Variants in PRR12 observed in about 807,000 individuals in gnomAD.
PRR12 encodes proline-rich protein 12.
A neutral mutation model predicts 138.0 loss-of-function variants in PRR12; 12 were observed. That is an observed-to-expected ratio of 0.09 (90% CI 0.06 to 0.14). PRR12 has a LOEUF of 0.14. Ranked by LOEUF, PRR12 falls within the 10% of genes least tolerant of loss-of-function variation. The probability of loss-of-function intolerance (pLI) is 1.00; values close to 1 mark genes in which losing one functional copy is unlikely to be tolerated. For synonymous variants in PRR12, 1,567 were observed against 1,291.7 expected (o/e 1.21, Z -4.57); for missense variants, 2,692 against 2,861.3 (o/e 0.94, Z 1.35).
rs2080892505 is a variant in PRR12, at chr19:49,616,209, C to T, written c.5487C>T (p.Pro1829=). ...ACTCGGAGTCCTCCCCTGGAGCCCC[C>T]AGCGAGGACGGTGAGGCCCTAGGCA... ...SSDSESSPGA[P]SEDERAVPGR... The change falls in exon 9 of 14, where the codon CCC becomes CCT. Residue 1829 remains proline, a synonymous_variant. Coordinates refer to ENST00000418929, the MANE Select transcript of PRR12 (RefSeq NM_020719.3). This position sits in a 1 kb window ranked among gnomAD's most constrained non-coding sequence, Gnocchi z 4.2. 1 of 1,533,540 alleles carries T rather than the reference C, an allele frequency of 6.5e-7. No homozygotes were observed. The allele number at this position is 1,533,540 out of a possible 1,614,324, so 95.0% of individuals were successfully genotyped here.
In PRR12 at chr19:49,614,775, C is replaced by T. The variant is rs565585216; in HGVS notation, c.4891-101C>T. 5.1e-6 allele frequency: 8 copies of T among 1,557,652 alleles called. No individual in the cohort carries two copies. In the Admixed American group the frequency reaches 1.1e-4, roughly 21 times the overall value. On this transcript the variant is annotated intron_variant, in intron 7 of 13. Coordinates refer to ENST00000418929, the MANE Select transcript of PRR12 (RefSeq NM_020719.3). The surrounding 1 kb of genome is among the most constrained non-coding windows in gnomAD (Gnocchi z 5.0). ...CTGGAAGGGGGCCCCCTGCTGCCGG[C>T]AGGCTCCAAGCAGCTGCCATGGTGG... is the stretch of plus-strand genomic sequence containing the variant.
At chr19:49,602,074 G>A (rs1380755643) in intron 6 of PRR12, among the ~76,000 whole-genome samples, 156 bp downstream of exon 6, 2 of 152,170 alleles carry the variant, frequency 1.3e-5, no homozygotes, top group Non-Finnish European at 2.9e-5. Flanking sequence ...TAGAGGTGTC[G>A]AGGACCTGCG....
At position 49,594,915 on chromosome 19, in the gene PRR12, T is replaced by G; in HGVS notation, c.580T>G (p.Ser194Ala). The change falls in exon 4 of 14, where the codon TCG (serine) becomes GCG (alanine). Residue 194 changes from serine to alanine, a missense_variant. Transcript: ENST00000418929. The surrounding 1 kb of genome is among the most constrained non-coding windows in gnomAD (Gnocchi z 5.6). The stretch of plus-strand genomic sequence containing the variant: ...TCATGACGTGCTGCACCTGAAGCCC[T>G]CGCAGGCACCCACGGTGCCCTCTTC... ...SPHDVLHLKP[S>A]QAPTVPSSLG... is the part of the protein sequence containing the mutation. 1 of 1,608,188 alleles carries G rather than the reference T, an allele frequency of 6.2e-7. No individual in the cohort carries two copies. Among genetic ancestry groups the G allele is most frequent in the Non-Finnish European group, 8.5e-7 (1 of 1,177,816 alleles).
Position 49,615,819 on chromosome 19 carries a change from A to G in PRR12, c.5097A>G (p.Pro1699=). The change falls in exon 9 of 14, where the codon CCA becomes CCG. Residue 1699 remains proline, a synonymous_variant. Coordinates refer to ENST00000418929, the MANE Select transcript of PRR12 (RefSeq NM_020719.3). ...CACCTCCCCCTAAGGCCCCAGCACC[A>G]CCTCCCAAGCCTGAGACCCCTGAAA... is the stretch of plus-strand genomic sequence containing the variant. ...SSAPPPKAPA[P]PPKPETPEKT... 6.2e-7 allele frequency: 1 copy of G among 1,611,844 alleles called. No individual in the cohort carries two copies. The highest frequency in any genetic ancestry group is 8.5e-7 in the Non-Finnish European group (1 of 1,179,118).
At position 49,594,708 on chromosome 19, in the gene PRR12, C is replaced by T; in HGVS notation, c.373C>T (p.Pro125Ser). 6.2e-7 allele frequency: 1 copy of T among 1,612,918 alleles called. No homozygotes were observed. Among genetic ancestry groups the T allele is most frequent in the Non-Finnish European group, 8.5e-7 (1 of 1,179,768 alleles). The change falls in exon 4 of 14, where the codon CCA becomes TCA. Residue 125 changes from proline to serine, a missense_variant. Pro to Ser is a moderately conservative substitution (Grantham distance 74). Coordinates refer to ENST00000418929, the MANE Select transcript of PRR12 (RefSeq NM_020719.3). The surrounding 1 kb of genome is among the most constrained non-coding windows in gnomAD (Gnocchi z 5.6). ...TTCCTCATCTCCAGCCATGCACACG[C>T]CAGGCCCCACGGAGCTCTTCATCTC... The part of the protein sequence containing the change: ...SPSWQTAMHT[P>S]GPTELFISGA...
rs1330813453 is a variant in PRR12, at chr19:49,615,900, C to T, written c.5178C>T (p.Pro1726=). ...CTCCTGAGACGGCCATGCCTGAGCC[C>T]CCTGCCCCCGAGAAGCCCTCCCTCC... ...EQTPETAMPE[P]PAPEKPSLLR... The change falls in exon 9 of 14, where the codon CCC becomes CCT. Residue 1726 remains proline, a synonymous_variant. Transcript: ENST00000418929. 2 of 1,568,198 alleles carry T rather than the reference C, an allele frequency of 1.3e-6. No individual in the cohort carries two copies. The highest frequency in any genetic ancestry group is 1.7e-4 in the Middle Eastern group (1 of 6,006).
intron 6 of PRR12, among the ~76,000 whole-genome samples, chr19:49,606,315 CTTT>C (rs112170187): frequency 1.4e-5 from 2 of 141,334 alleles, no homozygotes; most frequent in Admixed American, 7.1e-5. Context: ...TTTTTTTCTT[CTTT>C]TTTTTTTTTT....
rs1001637012 is a variant in PRR12 at position 49,597,250 on chromosome 19, G to C, written c.2915G>C (p.Gly972Ala). Reference protein sequence around the residue: ...YGKAGPPEDEGDPKAGAGPPP... With the variant: ...YGKAGPPEDEADPKAGAGPPP... ...AAGGCCGGGCCACCTGAGGACGAGG[G>C]GGACCCCAAGGCTGGCGCTGGGCCA... Residue 972 changes from glycine (G) to alanine (A), a missense_variant, in exon 4 of 14, where the codon GGG (glycine) becomes GCG (alanine). By Grantham distance (60) the Gly-to-Ala change is moderately conservative. This residue lies in a region of PRR12 where 840 missense variants were observed against 689.8 expected (regional missense o/e 1.22). Coordinates refer to ENST00000418929, the MANE Select transcript of PRR12 (RefSeq NM_020719.3). The surrounding 1 kb of genome is among the most constrained non-coding windows in gnomAD (Gnocchi z 6.3). The C allele has an allele frequency of 1.3e-6, 2 of 1,572,894 alleles. No individual in the cohort carries two copies. Among genetic ancestry groups the C allele is most frequent in the African/African-American group, 2.7e-5 (2 of 74,300 alleles).
rs185075758 is a variant in PRR12, at chr19:49,619,027, C to T, written c.5498-1325C>T. 1.2e-4 allele frequency among the ~76,000 whole-genome samples: 18 copies of T among 152,156 alleles called. No individual in the cohort carries two copies. In the East Asian group the frequency reaches 2.1e-3, roughly 18 times the overall value. Reference sequence around the variant, plus strand: ...CCCAGTGTGGTCTGGCCTGCACTGACCTGTGCAATGCCAGCTCCCATCTCG... The same window carrying T: ...CCCAGTGTGGTCTGGCCTGCACTGATCTGTGCAATGCCAGCTCCCATCTCG... On this transcript the variant is annotated intron_variant, in intron 9 of 13. Transcript: ENST00000418929.
Position 49,597,869 on chromosome 19 carries a change from C to T in PRR12, c.3534C>T (p.Pro1178=), listed in dbSNP as rs1395100309. 6.9e-7 allele frequency: 1 copy of T among 1,451,934 alleles called. No homozygotes were observed. The highest frequency in any genetic ancestry group is 9.1e-7 in the Non-Finnish European group (1 of 1,104,212). The allele number at this position is 1,451,934 out of a possible 1,614,324, so 89.9% of individuals were successfully genotyped here. A position where few individuals can be genotyped will look rare whatever the true frequency, so the allele number is the denominator to read the frequency against. ...CACGGGGGAGGCCCCGGATCCGCCC[C>T]CTGGAGGTCCCGACCACTGCGGGGC... ...PRPRGRPRIR[P]LEVPTTAGPA... The change falls in exon 4 of 14, where the codon CCC becomes CCT. Residue 1178 remains proline, a synonymous_variant. Transcript: ENST00000418929. This position sits in a 1 kb window ranked among gnomAD's most constrained non-coding sequence, Gnocchi z 6.3.
At chr19:49,615,486 G>A (rs929483929) in intron 8 of PRR12, among the ~76,000 whole-genome samples, 12 of 148,128 alleles carry the variant, frequency 8.1e-5, no homozygotes, top group African/African-American at 3.0e-4. Flanking sequence ...GACCCAGAGA[G>A]GGAGGGGGTC....
In PRR12 at chr19:49,596,837, GCCACCTCCACCGCCACCC is replaced by G. The variant is rs752127792; in HGVS notation, c.2505_2522del (p.Pro840_Pro845del). The G allele has an allele frequency of 1.1e-5, 17 of 1,591,072 alleles. No individual in the cohort carries two copies. Among genetic ancestry groups the G allele is most frequent in the African/African-American group, 2.7e-5 (2 of 74,492 alleles). On this transcript the variant is annotated inframe_deletion, in exon 4 of 14. Transcript: ENST00000418929. This position sits in a 1 kb window ranked among gnomAD's most constrained non-coding sequence, Gnocchi z 5.6. ...CAGCCACCCGCGATGGGGCACCCCA[GCCACCTCCACCGCCACCC>G]CCGCCTCCACCACCCATGCCCCTGC... is the stretch of plus-strand genomic sequence containing the variant.
chr19:49,606,767 C>T lies in PRR12; in HGVS notation c.4773+4849C>T, dbSNP rs2080840699. On this transcript the variant is annotated intron_variant, in intron 6 of 13. Transcript: ENST00000418929. ...GTTCAAGTGATTCTCCTGCCTCACCCTCCTGAGTAGCTGGGATTACAGGCA... is the reference window on the plus strand; with the variant it reads ...GTTCAAGTGATTCTCCTGCCTCACCTTCCTGAGTAGCTGGGATTACAGGCA... Among the ~76,000 whole-genome samples the T allele has an allele frequency of 1.3e-5, 2 of 151,724 alleles. 1 individual carries two copies. Among genetic ancestry groups the T allele is most frequent in the South Asian group, 4.1e-4 (2 of 4,822 alleles).
At position 49,594,716 on chromosome 19, in the gene PRR12, C is replaced by T; in HGVS notation, c.381C>T (p.Pro127=). 6.2e-7 allele frequency: 1 copy of T among 1,613,140 alleles called. No homozygotes were observed. Among genetic ancestry groups the T allele is most frequent in the Non-Finnish European group, 8.5e-7 (1 of 1,179,800 alleles). Residue 127 remains proline (P), a synonymous_variant, in exon 4 of 14, where the codon CCC becomes CCT. Transcript: ENST00000418929. This position sits in a 1 kb window ranked among gnomAD's most constrained non-coding sequence, Gnocchi z 5.6. ...SWQTAMHTPG[P]TELFISGALP... ...CTCCAGCCATGCACACGCCAGGCCC[C>T]ACGGAGCTCTTCATCTCGGGTGCCC...
At chr19:49,593,609 C>T (rs991860692) in intron 2 of PRR12, among the ~76,000 whole-genome samples, 170 bp downstream of exon 2, 1 of 152,154 alleles carries the variant, frequency 6.6e-6, no homozygotes, top group Non-Finnish European at 1.5e-5. Flanking sequence ...GTCGCTGCTT[C>T]ATTTCTCGCC....
At chr19:49,592,542 C>T (rs117772815) in intron 1 of PRR12, among the ~76,000 whole-genome samples, 1 of 152,028 alleles carries the variant, frequency 6.6e-6, no homozygotes, top group Non-Finnish European at 1.5e-5. Context: ...GGCGCCCTCA[C>T]ACTTCACCTA....
chr19:49,597,267 G>T lies in PRR12; in HGVS notation c.2932G>T (p.Ala978Ser), dbSNP rs752530502. 4 of 1,570,496 alleles carry T rather than the reference G, an allele frequency of 2.5e-6. No homozygotes were observed. The African/African-American group carries it at 4.0e-5, about 16-fold the overall frequency. ...GGACGAGGGGGACCCCAAGGCTGGC[G>T]CTGGGCCACCCCCCGGCCCCCCTGC... ...PEDEGDPKAG[A>S]GPPPGPPAYD... Residue 978 changes from alanine (A) to serine (S), a missense_variant, in exon 4 of 14, where the codon GCT (alanine) becomes TCT (serine). By Grantham distance (99) the Ala-to-Ser change is moderately conservative. This residue lies in a region of PRR12 where 840 missense variants were observed against 689.8 expected (regional missense o/e 1.22). Coordinates refer to ENST00000418929, the MANE Select transcript of PRR12 (RefSeq NM_020719.3). The surrounding 1 kb of genome is among the most constrained non-coding windows in gnomAD (Gnocchi z 6.3).
Position 49,599,999 on chromosome 19 carries a change from C to T in PRR12, c.4345+61C>T. 3 of 1,449,038 alleles carry T rather than the reference C, an allele frequency of 2.1e-6. No individual in the cohort carries two copies. Among genetic ancestry groups the T allele is most frequent in the Non-Finnish European group, 2.8e-6 (3 of 1,083,962 alleles). The allele number at this position is 1,449,038 out of a possible 1,614,324, so 89.8% of individuals were successfully genotyped here. On this transcript the variant is annotated intron_variant, in intron 5 of 13. Transcript: ENST00000418929. This position sits in a 1 kb window ranked among gnomAD's most constrained non-coding sequence, Gnocchi z 5.0. ...AAAGGTTATTATGATCACTAGGTAA[C>T]AGTTGTGCAGGTTACGCACTGTTTA...
intron 10 of PRR12, among the ~76,000 whole-genome samples, chr19:49,621,291 G>T (rs1467193726): frequency 1.5e-5 from 2 of 129,314 alleles, no homozygotes; most frequent in African/African-American, 5.9e-5. Flanking sequence ...AGGAGCGGCT[G>T]GGGGTCTGGA....
Sources: gnomAD v4.1 joint callset for allele counts (sites outside exome capture counted in the v4.1 genomes callset) on GRCh38, gnomAD v4.1.1 for gene constraint, gnomAD v4.1.1 regional missense constraint, Gnocchi (gnomAD v3.1) non-coding constraint, MANE v1.5 for transcripts, NCBI Gene and HGNC (gene_info 2026-07-23, HGNC 2026-07-21) for gene names.